SYNJ1: variants seen among roughly 807,000 people sequenced by gnomAD.
The protein encoded by SYNJ1 is polyphosphatidylinositol phosphatase SYNJ1.
SYNJ1 carries 78 observed loss-of-function variants against 168.2 expected under a neutral mutation model. The observed-to-expected ratio is 0.46, with a 90% confidence interval of 0.39 to 0.56. The LOEUF (loss-of-function observed/expected upper bound fraction) is 0.56. Among genes scored for constraint, SYNJ1 ranks in the 20% least tolerant of loss-of-function variants. SYNJ1 has a pLI of 0.00. For synonymous variants in SYNJ1, 539 were observed against 548.6 expected (o/e 0.98, Z 0.24); for missense variants, 1,303 against 1,597.6 (o/e 0.82, Z 3.14).
Position 32,726,922 on chromosome 21 carries a change from GA to G in SYNJ1, c.-22-6del. The G allele has an allele frequency of 6.2e-7, 1 of 1,613,710 alleles. No individual in the cohort carries two copies. The highest frequency in any genetic ancestry group is 8.5e-7 in the Non-Finnish European group (1 of 1,179,822). On this transcript the variant is annotated splice_region_variant and splice_polypyrimidine_tract_variant and intron_variant, in intron 1 of 32. Coordinates refer to ENST00000674351, the MANE Select transcript of SYNJ1 (RefSeq NM_203446.3). ...CTCCTTTCTTCGGAGGCAGCCCTGC[GA>G]AAACCAAGCAAAGCAAAGCAAATGA...
chr21:32,657,677 T>C, intron 19 of SYNJ1, 39 bp downstream of exon 19: 1 of 1,550,092 alleles, frequency 6.5e-7, no homozygotes. Context: ...CTCATAAGTT[T>C]ACATTAGTTC....
In SYNJ1 at chr21:32,629,810, T is replaced by C. The variant is rs1478947954; in HGVS notation, c.*1995A>G. ...CTTCAAAAAATTAATAAAAGCGGGA[T>C]CAGTTGCATATTGGCAGTGCAGGAG... On this transcript the variant is annotated 3_prime_UTR_variant, in exon 33 of 33. Transcript: ENST00000674351. 6.6e-6 allele frequency: 1 copy of C among 152,516 alleles called. No individual in the cohort carries two copies. Among genetic ancestry groups the C allele is most frequent in the Non-Finnish European group, 1.5e-5 (1 of 68,036 alleles). 9.4% of individuals were successfully genotyped at this position (152,516 alleles called of 1,614,324 possible).
intron 4 of SYNJ1, among the ~76,000 whole-genome samples, chr21:32,696,658 C>G (rs1028310780): frequency 6.6e-6 from 1 of 152,078 alleles, no homozygotes; most frequent in African/African-American, 2.4e-5. Context: ...TCTCTCTCTT[C>G]CTGTCTTAAA....
At chr21:32,634,463 T>G (rs1445329857) in intron 32 of SYNJ1, among the ~76,000 whole-genome samples, 2 of 152,134 alleles carry the variant, frequency 1.3e-5, no homozygotes, top group East Asian at 1.9e-4. Flanking sequence ...TGAAAAAATA[T>G]TTCCCCCAAA....
intron 2 of SYNJ1, among the ~76,000 whole-genome samples, chr21:32,714,862 T>A (rs2042965994): frequency 6.6e-6 from 1 of 152,202 alleles, no homozygotes; most frequent in South Asian, 2.1e-4. Flanking sequence ...ACACAAACAC[T>A]CAATCCGGTG....
chr21:32,689,087 T>TA (rs2041932615), intron 6 of SYNJ1, among the ~76,000 whole-genome samples: 2 of 152,310 alleles, frequency 1.3e-5, no homozygotes, highest in Non-Finnish European at 2.9e-5. Flanking sequence ...TTTCTTTTCT[T>TA]ACACAGGAGA....
chr21:32,649,842 T>C (rs1333936568), intron 23 of SYNJ1, among the ~76,000 whole-genome samples: 1 of 152,160 alleles, frequency 6.6e-6, no homozygotes, highest in East Asian at 1.9e-4. Flanking sequence ...CTCTGCCTCC[T>C]GGGTTCATGC....
chr21:32,696,690 G>T (rs1208125439), intron 4 of SYNJ1, among the ~76,000 whole-genome samples: 1 of 152,014 alleles, frequency 6.6e-6, no homozygotes, highest in Non-Finnish European at 1.5e-5. Context: ...AGATGTAATA[G>T]CATTATCTTG....
chr21:32,660,592 A>G (rs920764012), intron 18 of SYNJ1, among the ~76,000 whole-genome samples: 2 of 152,276 alleles, frequency 1.3e-5, no homozygotes, highest in African/African-American at 2.4e-5. Context: ...ACATGGAGAA[A>G]GATGTGCAGG....
At position 32,699,908 on chromosome 21, in the gene SYNJ1, T is replaced by C. The variant is rs780191673; in HGVS notation, c.409A>G (p.Ile137Val). ...GCATTAAGACTCAAATCTAAACTGA[T>C]GCCAGATGCAGACCATGCAAAATAA... is the stretch of plus-strand genomic sequence containing the variant. Reference protein sequence around the residue: ...NFYFAWSASGISLDLSLNAHR... With the variant: ...NFYFAWSASGVSLDLSLNAHR... Residue 137 changes from isoleucine to valine, a missense_variant, in exon 4 of 33, where the codon ATC (isoleucine) becomes GTC (valine). By Grantham distance (29) the Ile-to-Val change is conservative. Transcript: ENST00000674351. The C allele has an allele frequency of 1.2e-6, 2 of 1,614,216 alleles. No individual in the cohort carries two copies. Among genetic ancestry groups the C allele is most frequent in the East Asian group, 4.5e-5 (2 of 44,884 alleles).
At chr21:32,724,498 C>T (rs191838028) in intron 2 of SYNJ1, among the ~76,000 whole-genome samples, 3 of 152,210 alleles carry the variant, frequency 2.0e-5, no homozygotes, top group East Asian at 1.9e-4. Context: ...AAAAAACAAA[C>T]AAGCAAACAA....
intron 21 of SYNJ1, among the ~76,000 whole-genome samples, chr21:32,654,284 C>CAT (rs2040382841): frequency 6.6e-6 from 1 of 152,126 alleles, no homozygotes; most frequent in South Asian, 2.1e-4. Context: ...CAAAAGTGTG[C>CAT]ATAAGTACTT....
intron 13 of SYNJ1, among the ~76,000 whole-genome samples, chr21:32,674,958 G>A (rs1364601340): frequency 1.3e-5 from 2 of 151,908 alleles, no homozygotes; most frequent in East Asian, 1.9e-4. Context: ...TTGTTTCCAG[G>A]GGCAGATATG....
intron 4 of SYNJ1, among the ~76,000 whole-genome samples, chr21:32,697,394 A>G (rs2042247357): frequency 6.6e-6 from 1 of 151,780 alleles, no homozygotes; most frequent in African/African-American, 2.4e-5. Flanking sequence ...AGCAAAATTC[A>G]CCTTTGGTGC....
intron 23 of SYNJ1, among the ~76,000 whole-genome samples, 195 bp downstream of exon 23, chr21:32,649,989 A>G (rs1461686103): frequency 2.0e-5 from 3 of 152,150 alleles, no homozygotes; most frequent in Admixed American, 1.3e-4. Context: ...GCCTCAGGCA[A>G]TCCACCCTCC....
intron 2 of SYNJ1, among the ~76,000 whole-genome samples, chr21:32,717,819 T>C (rs2043079021): frequency 6.6e-6 from 1 of 152,204 alleles, no homozygotes; most frequent in Non-Finnish European, 1.5e-5. Context: ...TCATCTCTAG[T>C]ACACAGCCCT....
chr21:32,726,731 A>C (rs112388336), intron 2 of SYNJ1, 41 bp downstream of exon 2: 3 of 1,608,546 alleles, frequency 1.9e-6, no homozygotes, highest in Non-Finnish European at 1.7e-6. Context: ...TTCAAATCAA[A>C]ACAGAGACCA....
At chr21:32,676,725 T>TA (rs1226471520) in intron 12 of SYNJ1, among the ~76,000 whole-genome samples, 2 of 152,218 alleles carry the variant, frequency 1.3e-5, no homozygotes, top group Non-Finnish European at 2.9e-5. Flanking sequence ...ATATGGAAGA[T>TA]ACTGCCCTAA....
At chr21:32,708,591 T>C (rs1430767470) in intron 2 of SYNJ1, among the ~76,000 whole-genome samples, 1 of 152,226 alleles carries the variant, frequency 6.6e-6, no homozygotes, top group African/African-American at 2.4e-5. Context: ...CCGCATTAGT[T>C]CACATGCTGA....
Sources: allele counts gnomAD v4.1 joint callset (sites outside exome capture counted in the v4.1 genomes callset), GRCh38; gene constraint gnomAD v4.1.1; transcripts MANE v1.5; gene names NCBI Gene and HGNC (gene_info 2026-07-23, HGNC 2026-07-21).